The following CC2D2A variants were observed in gnomAD, a reference collection of about 807,000 sequenced individuals.
CC2D2A encodes the protein coiled-coil and C2 domain containing 2A, also known as coiled-coil and C2 domain-containing protein 2A.
A neutral mutation model predicts 212.9 loss-of-function variants in CC2D2A; 155 were observed. That is an observed-to-expected ratio of 0.73 (90% CI 0.64 to 0.83). The LOEUF (loss-of-function observed/expected upper bound fraction) is 0.83. CC2D2A is among the 40% of genes least tolerant of loss of function. The pLI, the probability that CC2D2A is intolerant of heterozygous loss-of-function variation, is 0.00. For missense variants in CC2D2A, 1,856 were observed against 1,956.2 expected (o/e 0.95, Z 0.97); for synonymous variants, 667 against 686.5 (o/e 0.97, Z 0.44).
At chr4:15,489,452 T>C (rs1180254520) in intron 4 of CC2D2A, among the ~76,000 whole-genome samples, 1 of 152,116 alleles carries the variant, frequency 6.6e-6, no homozygotes, top group African/African-American at 2.4e-5. Context: ...GTTCACTACC[T>C]CACACAGTAC....
At chr4:15,586,359 G>A in intron 31 of CC2D2A, 113 bp downstream of exon 31, 4 of 610,924 alleles carry the variant, frequency 6.5e-6, no homozygotes, top group South Asian at 7.9e-5. Flanking sequence ...AAATCTAATT[G>A]GCTGTTTAGT....
chr4:15,536,576 A>C (rs552114753), intron 14 of CC2D2A, among the ~76,000 whole-genome samples: 2 of 152,158 alleles, frequency 1.3e-5, no homozygotes, highest in East Asian at 1.9e-4. Flanking sequence ...AATTTCCACC[A>C]CTATCAGCTG....
intron 18 of CC2D2A, among the ~76,000 whole-genome samples, chr4:15,552,611 T>C (rs1485230251): frequency 2.0e-5 from 3 of 152,242 alleles, no homozygotes; most frequent in Middle Eastern, 3.2e-3. Context: ...AGTATTTCTC[T>C]TATTTCTCTT....
chr4:15,522,187 C>A lies in CC2D2A; in HGVS notation c.1150-5260C>A, dbSNP rs544277827. 6.6e-5 allele frequency among the ~76,000 whole-genome samples: 10 copies of A among 152,250 alleles called. No individual in the cohort carries two copies. The South Asian group carries it at 1.9e-3, about 28-fold the overall frequency. ...CTGCACGCCAGCTTGGTTGACAGAG[C>A]GAGACCTTGTCTCTAAAAAATACAT... On this transcript the variant is annotated intron_variant, in intron 11 of 36. Transcript: ENST00000424120.
At chr4:15,559,770 A>G (rs1271934233) in intron 22 of CC2D2A, among the ~76,000 whole-genome samples, 2 of 151,996 alleles carry the variant, frequency 1.3e-5, no homozygotes, top group Non-Finnish European at 2.9e-5. Context: ...CCTGTGGCTC[A>G]TGTATTATTT....
intron 4 of CC2D2A, among the ~76,000 whole-genome samples, chr4:15,494,130 ACT>A (rs966844635): frequency 2.0e-5 from 3 of 152,010 alleles, no homozygotes; most frequent in African/African-American, 7.2e-5. Flanking sequence ...ATTCCTGACA[ACT>A]CTCAGAGTCT....
intron 4 of CC2D2A, among the ~76,000 whole-genome samples, chr4:15,496,581 G>A (rs142866814): frequency 1.5e-4 from 23 of 151,998 alleles, no homozygotes; most frequent in South Asian, 1.0e-3. Context: ...ATCTCTCTTC[G>A]CAAGCGATAT....
chr4:15,516,518 GA>G (rs1202227660), intron 10 of CC2D2A, 106 bp from the exon 11 acceptor site: 3 of 1,115,812 alleles, frequency 2.7e-6, no homozygotes, highest in Non-Finnish European at 3.8e-6. Flanking sequence ...GGAAGTACAT[GA>G]AATATATATG....
chr4:15,471,138 T>C (rs1713786330), intron 1 of CC2D2A, among the ~76,000 whole-genome samples: 1 of 152,178 alleles, frequency 6.6e-6, no homozygotes, highest in Admixed American at 6.5e-5. Flanking sequence ...GCAGCTGGAA[T>C]AACTTGTAGA....
intron 11 of CC2D2A, among the ~76,000 whole-genome samples, chr4:15,517,010 C>G (rs1036357142): frequency 2.7e-4 from 36 of 133,912 alleles, no homozygotes; most frequent in African/African-American, 9.3e-4. Context: ...TGCAGTGGCG[C>G]GATCTCGGCT....
intron 32 of CC2D2A, among the ~76,000 whole-genome samples, chr4:15,588,993 G>A (rs745566916): frequency 3.3e-5 from 5 of 151,772 alleles, no homozygotes; most frequent in Non-Finnish European, 7.4e-5. Flanking sequence ...TCCCTTGTCA[G>A]AAGATCCAGA....
At chr4:15,579,874 A>G in intron 29 of CC2D2A, 94 bp from the exon 30 acceptor site, 11 of 977,180 alleles carry the variant, frequency 1.1e-5, no homozygotes, top group Non-Finnish European at 1.8e-5. Flanking sequence ...ATATTCCCAA[A>G]CCATACATTT....
intron 28 of CC2D2A, among the ~76,000 whole-genome samples, chr4:15,571,389 A>AAATCTAATCTAATC (rs1720155561): frequency 6.6e-6 from 1 of 152,194 alleles, no homozygotes; most frequent in Non-Finnish European, 1.5e-5. Context: ...AGGACAGTTA[A>AAATCTAATCTAATC]AGGTTCTGAA....
chr4:15,475,925 C>G lies in CC2D2A; in HGVS notation c.-8C>G, dbSNP rs1198170531. 2 of 1,584,102 alleles carry G rather than the reference C, an allele frequency of 1.3e-6. No homozygotes were observed. The highest frequency in any genetic ancestry group is 1.3e-5 in the African/African-American group (1 of 74,314). Reference sequence around the variant, plus strand: ...ATTGTTCTTTGTCAGGGACCCATCCCAGCCAAAATGAATCCCAGGGAAGAA... The same window carrying G: ...ATTGTTCTTTGTCAGGGACCCATCCGAGCCAAAATGAATCCCAGGGAAGAA... On this transcript the variant is annotated 5_prime_UTR_variant, in exon 2 of 37. Transcript: ENST00000424120.
At chr4:15,550,070 A>T (rs1718918083) in intron 17 of CC2D2A, among the ~76,000 whole-genome samples, 1 of 152,250 alleles carries the variant, frequency 6.6e-6, no homozygotes, top group African/African-American at 2.4e-5. Context: ...ATATTATGTC[A>T]TATTGCCACA....
At chr4:15,592,756 T>C (rs534986981) in intron 33 of CC2D2A, among the ~76,000 whole-genome samples, 1 of 152,294 alleles carries the variant, frequency 6.6e-6, no homozygotes, top group East Asian at 1.9e-4. Context: ...AAGTGATAAA[T>C]CTGTAACCAG....
At chr4:15,554,920 T>A (rs1338714872) in intron 19 of CC2D2A, among the ~76,000 whole-genome samples, 152 bp from the exon 20 acceptor site, 1 of 152,236 alleles carries the variant, frequency 6.6e-6, no homozygotes, top group African/African-American at 2.4e-5. Context: ...CATCATCATG[T>A]AAAGAAAAAT....
Position 15,480,691 on chromosome 4 carries a change from C to T in CC2D2A, c.124-13C>T, listed in dbSNP as rs767136951. The T allele has an allele frequency of 1.2e-6, 2 of 1,606,234 alleles. No individual in the cohort carries two copies. Among genetic ancestry groups the T allele is most frequent in the South Asian group, 2.2e-5 (2 of 89,420 alleles). On this transcript the variant is annotated splice_polypyrimidine_tract_variant and intron_variant, in intron 3 of 36. Coordinates refer to ENST00000424120, the MANE Select transcript of CC2D2A (RefSeq NM_001378615.1). ...TCCTGGGAGTCTCTGAACCTCTGAC[C>T]TTCTTCCTCCAGCCACCAACTGCTG...
chr4:15,478,756 G>C lies in CC2D2A; in HGVS notation c.73G>C (p.Gly25Arg). 1 of 1,555,362 alleles carries C rather than the reference G, an allele frequency of 6.4e-7. No homozygotes were observed. The highest frequency in any genetic ancestry group is 2.4e-5 in the East Asian group (1 of 41,228). The change falls in exon 3 of 37, where the codon GGA becomes CGA. Residue 25 changes from glycine (G) to arginine (R), a missense_variant. This residue lies in a region of CC2D2A where 1,512 missense variants were observed against 1,579.3 expected (regional missense o/e 0.96). Coordinates refer to ENST00000424120, the MANE Select transcript of CC2D2A (RefSeq NM_001378615.1). ...FIENDEDADM[G>R]RQNKNSKVRR... ...TGAAAATGATGAGGATGCAGACATG[G>C]GAAGACAGAATAAGAACTCAAAGGT...
Sources: gnomAD v4.1 joint callset for allele counts (sites outside exome capture counted in the v4.1 genomes callset) on GRCh38, gnomAD v4.1.1 for gene constraint, gnomAD v4.1.1 regional missense constraint, MANE v1.5 for transcripts, NCBI Gene and HGNC (gene_info 2026-07-23, HGNC 2026-07-21) for gene names.